GOLM1: variants seen among roughly 807,000 people sequenced by gnomAD.
GOLM1 encodes golgi membrane protein 1.
In GOLM1, 31 loss-of-function variants were observed where a neutral mutation model predicts 50.5. The observed-to-expected ratio is 0.61, with a 90% CI of 0.46 to 0.83. The LOEUF (loss-of-function observed/expected upper bound fraction) is 0.83, where lower values mean the gene tolerates loss of function less well. GOLM1 is among the 40% of genes least tolerant of loss of function. The pLI, the probability that GOLM1 is intolerant of heterozygous loss-of-function variation, is 0.00. For missense variants in GOLM1, 491 were observed against 501.3 expected (o/e 0.98, Z 0.20); for synonymous variants, 178 against 192.8 (o/e 0.92, Z 0.64).
chr9:86,093,951 CCTT>C (rs979059162), intron 1 of GOLM1, among the ~76,000 whole-genome samples: 9 of 152,242 alleles, frequency 5.9e-5, no homozygotes, highest in African/African-American at 2.2e-4. Flanking sequence ...ACCTCTAACT[CCTT>C]CTCAGAGGAA....
At chr9:86,053,546 A>AC (rs142552991) in intron 3 of GOLM1, among the ~76,000 whole-genome samples, 1 of 652 alleles carries the variant, frequency 1.5e-3, no homozygotes, top group Non-Finnish European at 8.3e-3. Context: ...AAACCACACC[A>AC]AACACACACT....
At chr9:86,084,828 T>A (rs1465632328) in intron 1 of GOLM1, 2 of 152,144 alleles carry the variant, frequency 1.3e-5, no homozygotes, top group Non-Finnish European at 2.9e-5. Flanking sequence ...GGCAAGCGGA[T>A]CACGAGGTCA....
At chr9:86,070,303 G>A (rs72746699) in intron 3 of GOLM1, among the ~76,000 whole-genome samples, 2,454 of 152,282 alleles carry the variant, frequency 0.016, 21 homozygotes, top group Middle Eastern at 0.054. Flanking sequence ...ACCCAGCACA[G>A]TGGGTCATGC....
chr9:86,077,312 T>C, intron 3 of GOLM1, 100 bp downstream of exon 3: 1 of 949,962 alleles, frequency 1.1e-6, no homozygotes, highest in Non-Finnish European at 1.7e-6. Flanking sequence ...ATTACATAAA[T>C]CTAAACCCAG....
chr9:86,097,720 C>A (rs1835393564), intron 1 of GOLM1, among the ~76,000 whole-genome samples: 1 of 152,172 alleles, frequency 6.6e-6, no homozygotes, highest in African/African-American at 2.4e-5. Context: ...TCCCCAGGTT[C>A]TGCCCTCTGT....
chr9:86,054,438 G>A (rs1341537487), intron 3 of GOLM1, among the ~76,000 whole-genome samples: 5 of 152,110 alleles, frequency 3.3e-5, no homozygotes, highest in Non-Finnish European at 5.9e-5. Context: ...TGGCCAGGCT[G>A]GTCTCAAACT....
intron 5 of GOLM1, among the ~76,000 whole-genome samples, chr9:86,042,700 GC>G (rs1833399357): frequency 6.6e-6 from 1 of 152,202 alleles, no homozygotes; most frequent in Non-Finnish European, 1.5e-5. Flanking sequence ...CAGGTCGTTT[GC>G]TATCCCTGAA....
At chr9:86,046,955 C>T (rs1020504995) in intron 4 of GOLM1, among the ~76,000 whole-genome samples, 1 of 152,144 alleles carries the variant, frequency 6.6e-6, no homozygotes, top group African/African-American at 2.4e-5. Context: ...CATCCCTGGC[C>T]GACTCATCCT....
rs979829437 is a variant in GOLM1 at position 86,035,460 on chromosome 9, A to G, written c.923T>C (p.Val308Ala). Residue 308 changes from valine (V) to alanine (A), a missense_variant, in exon 8 of 10, where the codon GTG becomes GCG. Coordinates refer to ENST00000388712, the MANE Select transcript of GOLM1 (RefSeq NM_016548.4). The part of the protein sequence containing the change: ...QTPQVQAALS[V>A]SQENPEMEGP... ...CTCCATCTCTGGATTTTCCTGGCTC[A>G]CTGACAGGGCAGCCTGCACCTGTGG... 3 of 1,613,608 alleles carry G rather than the reference A, an allele frequency of 1.9e-6. No individual in the cohort carries two copies. Among genetic ancestry groups the G allele is most frequent in the Non-Finnish European group, 2.5e-6 (3 of 1,179,952 alleles).
chr9:86,074,235 TAAAA>T (rs11333722), intron 3 of GOLM1, among the ~76,000 whole-genome samples: 2 of 121,448 alleles, frequency 1.6e-5, no homozygotes, highest in African/African-American at 3.0e-5. Flanking sequence ...TTCTAAGATT[TAAAA>T]AAAAAAAAAA....
intron 9 of GOLM1, among the ~76,000 whole-genome samples, chr9:86,030,608 A>G (rs544204361): frequency 1.7e-4 from 26 of 151,708 alleles, no homozygotes; most frequent in African/African-American, 5.8e-4. Flanking sequence ...GCTCCACGAT[A>G]AAGAACACTA....
chr9:86,032,506 A>G (rs1001849487), intron 9 of GOLM1, among the ~76,000 whole-genome samples: 4 of 152,170 alleles, frequency 2.6e-5, no homozygotes, highest in African/African-American at 9.7e-5. Flanking sequence ...ATGAGTCCAT[A>G]GTGATACCAA....
intron 3 of GOLM1, among the ~76,000 whole-genome samples, chr9:86,059,817 T>C (rs1834102411): frequency 6.7e-6 from 1 of 150,356 alleles, no homozygotes; most frequent in Non-Finnish European, 1.5e-5. Flanking sequence ...GGAGAATCAC[T>C]TGAACCCAGG....
chr9:86,026,423 T>G lies in GOLM1; in HGVS notation c.*1394A>C. On this transcript the variant is annotated 3_prime_UTR_variant, in exon 10 of 10. Coordinates refer to ENST00000388712, the MANE Select transcript of GOLM1 (RefSeq NM_016548.4). ...GGCAACGTGAATTGCAAACAGGGCC[T>G]GCTTCAGTGACTGTGTGCCTGTAGT... 4 of 985,096 alleles carry G rather than the reference T, an allele frequency of 4.1e-6. No individual in the cohort carries two copies. Among genetic ancestry groups the G allele is most frequent in the Non-Finnish European group, 4.8e-6 (4 of 829,638 alleles). The allele number at this position is 985,096 out of a possible 1,614,324, so 61.0% of individuals were successfully genotyped here.
intron 3 of GOLM1, among the ~76,000 whole-genome samples, chr9:86,061,748 C>T (rs1834163967): frequency 6.6e-6 from 1 of 152,150 alleles, no homozygotes; most frequent in Non-Finnish European, 1.5e-5. Flanking sequence ...AATATGGGGG[C>T]ATGGGTCAGA....
chr9:86,062,457 AAGG>A (rs1185283206), intron 3 of GOLM1, among the ~76,000 whole-genome samples: 1 of 149,224 alleles, frequency 6.7e-6, no homozygotes, highest in Non-Finnish European at 1.5e-5. Flanking sequence ...GAGGGAGAGA[AAGG>A]AGGACAGAGG....
chr9:86,087,047 TGG>T (rs1356472280), intron 1 of GOLM1, among the ~76,000 whole-genome samples: 1 of 152,236 alleles, frequency 6.6e-6, no homozygotes, highest in Non-Finnish European at 1.5e-5. Flanking sequence ...TTGGGCAGTA[TGG>T]CCATTTTCAC....
At chr9:86,098,183 AC>A (rs1222303322) in intron 1 of GOLM1, among the ~76,000 whole-genome samples, 6 of 152,188 alleles carry the variant, frequency 3.9e-5, no homozygotes, top group African/African-American at 1.4e-4. Flanking sequence ...GTTCACTGAC[AC>A]CTTAAGAATT....
intron 4 of GOLM1, among the ~76,000 whole-genome samples, chr9:86,048,432 C>T (rs1833629354): frequency 6.6e-6 from 1 of 152,170 alleles, no homozygotes; most frequent in Admixed American, 6.5e-5. Flanking sequence ...AGTTCTAGAT[C>T]CTTGAGGAAT....
Sources: gnomAD v4.1 joint callset for allele counts (sites outside exome capture counted in the v4.1 genomes callset) on GRCh38, gnomAD v4.1.1 for gene constraint, MANE v1.5 for transcripts, NCBI Gene and HGNC (gene_info 2026-07-23, HGNC 2026-07-21) for gene names.